RABEP2: variants seen among roughly 807,000 people sequenced by gnomAD.
RABEP2 encodes the protein rabaptin, RAB GTPase binding effector protein 2, also known as rab GTPase-binding effector protein 2.
A neutral mutation model predicts 74.1 loss-of-function variants in RABEP2; 57 were observed. The observed-to-expected ratio is 0.77, with a 90% CI of 0.62 to 0.96. RABEP2 has a LOEUF of 0.96. Ranked by LOEUF, RABEP2 falls within the 40% of genes least tolerant of loss-of-function variation. The pLI is 0.00. For missense variants in RABEP2, 692 were observed against 756.3 expected (o/e 0.91, Z 1.00); for synonymous variants, 351 against 344.0 (o/e 1.02, Z -0.23).
chr16:28,905,834 C>A, intron 10 of RABEP2, 33 bp downstream of exon 10: 1 of 1,613,944 alleles, frequency 6.2e-7, no homozygotes, highest in Non-Finnish European at 8.5e-7. Context: ...CCAGGGTGGG[C>A]GATCCCCAAG....
In RABEP2 at chr16:28,905,162, G is replaced by A; in HGVS notation, c.1609-118C>T. 4.9e-6 allele frequency: 4 copies of A among 813,386 alleles called. No homozygotes were observed. In the South Asian group the frequency reaches 6.9e-5, roughly 14 times the overall value. 50.4% of individuals were successfully genotyped at this position (813,386 alleles called of 1,614,324 possible). The stretch of plus-strand genomic sequence containing the variant: ...GTGGACCCAGGGGCCACCTCTAGGG[G>A]GCTGATGCCACAAATGCCCTGAGCG... On this transcript the variant is annotated intron_variant, in intron 12 of 12. Transcript: ENST00000358201.
At position 28,904,987 on chromosome 16, in the gene RABEP2, C is replaced by T; in HGVS notation, c.1666G>A (p.Asp556Asn). Reference protein sequence around the residue: ...ETLEQVRSIMDEAPLTDVRDI... With the variant: ...ETLEQVRSIMNEAPLTDVRDI... ...CTGACGTCCGTGAGTGGCGCCTCATCCATGATGCTGCGCACTTGCTCCAGG... is the reference window on the plus strand; with the variant it reads ...CTGACGTCCGTGAGTGGCGCCTCATTCATGATGCTGCGCACTTGCTCCAGG... Residue 556 changes from aspartate (D) to asparagine (N), a missense_variant, in exon 13 of 13, where the codon GAT becomes AAT. Transcript: ENST00000358201. 6.2e-7 allele frequency: 1 copy of T among 1,612,690 alleles called. No homozygotes were observed. Among genetic ancestry groups the T allele is most frequent in the Non-Finnish European group, 8.5e-7 (1 of 1,179,826 alleles).
At position 28,924,915 on chromosome 16, in the gene RABEP2, G is replaced by A. The variant is rs1385733078; in HGVS notation, c.61+188C>T. The A allele has an allele frequency of 4.8e-6, 4 of 829,050 alleles. No individual in the cohort carries two copies. The East Asian group carries it at 1.1e-4, about 22-fold the overall frequency. 51.4% of individuals were successfully genotyped at this position (829,050 alleles called of 1,614,324 possible). A position where few individuals can be genotyped will look rare whatever the true frequency, so the allele number is the denominator to read the frequency against. On this transcript the variant is annotated intron_variant, in intron 1 of 12. Coordinates refer to ENST00000358201, the MANE Select transcript of RABEP2 (RefSeq NM_024816.3). ...CGGGCCCCACTTCGCACCTGTCACTGGCCCTACCCCTTCAATGGCCGGGCC... is the reference window on the plus strand; with the variant it reads ...CGGGCCCCACTTCGCACCTGTCACTAGCCCTACCCCTTCAATGGCCGGGCC...
In RABEP2 at chr16:28,914,518, C is replaced by T. The variant is rs780620978; in HGVS notation, c.612G>A (p.Ser204=). The T allele has an allele frequency of 5.0e-6, 8 of 1,612,570 alleles. No homozygotes were observed. Among genetic ancestry groups the T allele is most frequent in the African/African-American group, 4.0e-5 (3 of 74,866 alleles). ...TELLPLSRDP[S]PPLEPLEELS... is the part of the protein sequence containing the mutation. ...GCTCCTCCAGAGGCTCCAGCGGGGG[C>T]GATGGATCCCGGGACAGGGGCAGCA... The change falls in exon 5 of 13, where the codon TCG becomes TCA. Residue 204 remains serine, a synonymous_variant. Transcript: ENST00000358201.
At chr16:28,924,175 A>G in intron 2 of RABEP2, 1 of 571,748 alleles carries the variant, frequency 1.7e-6, no homozygotes. Context: ...GGCAACAGAT[A>G]GAAGCTGGGA....
intron 5 of RABEP2, among the ~76,000 whole-genome samples, chr16:28,912,190 G>A (rs1050664190): frequency 1.7e-5 from 1 of 57,574 alleles, no homozygotes; most frequent in Non-Finnish European, 2.8e-5. Context: ...AGCTAGCAGT[G>A]AGCCGAGAAC....
intron 3 of RABEP2, among the ~76,000 whole-genome samples, chr16:28,915,380 C>T (rs1314701266): frequency 1.3e-5 from 2 of 151,036 alleles, no homozygotes; most frequent in Non-Finnish European, 2.9e-5. Context: ...CAATGGCCAG[C>T]ACACTTCACA....
At chr16:28,924,956 T>C (rs1031370257) in intron 1 of RABEP2, 147 bp downstream of exon 1, 1 of 1,014,348 alleles carries the variant, frequency 9.9e-7, no homozygotes, top group South Asian at 1.4e-5. Context: ...CCCTTTTGCC[T>C]GTGGCTGTAG....
At chr16:28,914,927 A>G (rs1383061309) in intron 3 of RABEP2, 145 bp from the exon 4 acceptor site, 2 of 679,276 alleles carry the variant, frequency 2.9e-6, no homozygotes, top group Admixed American at 5.9e-5. Flanking sequence ...AGATAAGAAC[A>G]CAGAGGCTCT....
intron 3 of RABEP2, among the ~76,000 whole-genome samples, chr16:28,918,544 G>C (rs1166541224): frequency 6.6e-6 from 1 of 151,978 alleles, no homozygotes; most frequent in Non-Finnish European, 1.5e-5. Context: ...GAACCCAGGA[G>C]GCAGAGGTGG....
In RABEP2 at chr16:28,914,346, C is replaced by T. The variant is rs1475627507; in HGVS notation, c.784G>A (p.Glu262Lys). 6.2e-7 allele frequency: 1 copy of T among 1,613,520 alleles called. No individual in the cohort carries two copies. The highest frequency in any genetic ancestry group is 2.2e-5 in the East Asian group (1 of 44,882). Residue 262 changes from glutamate to lysine, a missense_variant, in exon 5 of 13, where the codon GAG becomes AAG. By Grantham distance (56) the Glu-to-Lys change is moderately conservative. Transcript: ENST00000358201. ...SRQGLSPEQEETASLVSTGTL... is the reference protein window; with the variant it reads ...SRQGLSPEQEKTASLVSTGTL... ...CCCGTAGACACCAGCGAGGCCGTCT[C>T]TTCCTGTTCAGGGCTCAGGCCCTGG...
intron 1 of RABEP2, 64 bp downstream of exon 1, chr16:28,925,039 T>G (rs1255114578): frequency 6.8e-7 from 1 of 1,465,522 alleles, no homozygotes; most frequent in African/African-American, 1.5e-5. Context: ...CATCCGCAGG[T>G]GGCTGGCTCG....
intron 2 of RABEP2, among the ~76,000 whole-genome samples, chr16:28,922,040 T>C (rs766467994): frequency 3.9e-5 from 6 of 152,068 alleles, no homozygotes; most frequent in African/African-American, 1.4e-4. Context: ...GGTGCAATCA[T>C]AGTTCACTGC....
chr16:28,917,192 A>T (rs1169596167), intron 3 of RABEP2, among the ~76,000 whole-genome samples: 1 of 151,864 alleles, frequency 6.6e-6, no homozygotes, highest in Non-Finnish European at 1.5e-5. Context: ...CTCCGCTTAT[A>T]TGTCCCACAG....
intron 2 of RABEP2, among the ~76,000 whole-genome samples, chr16:28,922,514 G>A (rs1462792810): frequency 1.3e-5 from 2 of 152,088 alleles, no homozygotes; most frequent in Non-Finnish European, 2.9e-5. Context: ...GAGGTCAGGA[G>A]ATCGAGACCA....
Position 28,904,928 on chromosome 16 carries a change from G to A in RABEP2, c.*15C>T. On this transcript the variant is annotated 3_prime_UTR_variant, in exon 13 of 13. Coordinates refer to ENST00000358201, the MANE Select transcript of RABEP2 (RefSeq NM_024816.3). ...GGCGTCTTTCCCAGGGTGGGGGTGGGGATATCCTGACCCCTCAGGTGTCCT... is the reference window on the plus strand; with the variant it reads ...GGCGTCTTTCCCAGGGTGGGGGTGGAGATATCCTGACCCCTCAGGTGTCCT... 6.3e-7 allele frequency: 1 copy of A among 1,590,030 alleles called. No homozygotes were observed. The highest frequency in any genetic ancestry group is 1.3e-5 in the African/African-American group (1 of 74,564).
At chr16:28,911,559 G>A (rs1213612104) in intron 5 of RABEP2, among the ~76,000 whole-genome samples, 1 of 151,056 alleles carries the variant, frequency 6.6e-6, no homozygotes, top group Non-Finnish European at 1.5e-5. Flanking sequence ...AGCTACTCGG[G>A]AAACTGAGGC....
intron 3 of RABEP2, among the ~76,000 whole-genome samples, chr16:28,918,340 C>T (rs907593362): frequency 2.6e-5 from 4 of 151,998 alleles, no homozygotes; most frequent in African/African-American, 7.2e-5. Flanking sequence ...GGGCCGGGCG[C>T]GGTGGTTCAC....
intron 5 of RABEP2, among the ~76,000 whole-genome samples, chr16:28,912,215 C>G (rs1270399480): frequency 6.6e-6 from 1 of 151,368 alleles, no homozygotes; most frequent in East Asian, 2.0e-4. Flanking sequence ...CCACTGCACT[C>G]CAGCCTGGGT....
Sources: allele counts gnomAD v4.1 joint callset (sites outside exome capture counted in the v4.1 genomes callset), GRCh38; gene constraint gnomAD v4.1.1; transcripts MANE v1.5; gene names NCBI Gene and HGNC (gene_info 2026-07-23, HGNC 2026-07-21).